The following NXPE4 variants were observed in gnomAD, a reference collection of about 807,000 sequenced individuals.
NXPE4 encodes the protein neurexophilin and PC-esterase domain family member 4.
NXPE4 carries 42 observed loss-of-function variants against 33.3 expected under a neutral mutation model. The ratio of observed to expected loss-of-function variants is 1.26; its 90% CI spans 0.98 to 1.63. The LOEUF (loss-of-function observed/expected upper bound fraction) is 1.63. Among genes scored for constraint, NXPE4 ranks in the 40% most tolerant of loss-of-function variants. NXPE4 has a pLI of 0.00. For missense variants in NXPE4, 709 were observed against 647.6 expected, an observed-to-expected ratio of 1.09 and a Z score of -1.03; for synonymous variants, 253 against 234.9, an observed-to-expected ratio of 1.08 and a Z score of -0.71.
chr11:114,629,753 A>T, the NXPE4 span, among the ~76,000 whole-genome samples: 1 of 151,446 alleles, frequency 6.6e-6, no homozygotes, highest in Non-Finnish European at 1.5e-5. Context: ...AGACGACATG[A>T]TTGTATATCT....
the NXPE4 span, among the ~76,000 whole-genome samples, chr11:114,605,368 A>G: frequency 5.9e-5 from 9 of 151,788 alleles, no homozygotes; most frequent in South Asian, 1.9e-3. Context: ...TACCTGCTGC[A>G]TAATAAGTAT....
the NXPE4 span, among the ~76,000 whole-genome samples, chr11:114,642,129 C>G: frequency 6.6e-6 from 1 of 151,958 alleles, no homozygotes; most frequent in South Asian, 2.1e-4. Flanking sequence ...GCTAGATGAT[C>G]AAGATCAACA....
the NXPE4 span, among the ~76,000 whole-genome samples, chr11:114,634,965 A>G: frequency 6.6e-6 from 1 of 151,984 alleles, no homozygotes; most frequent in African/African-American, 2.4e-5. Context: ...TTGGTTCCAT[A>G]TGAACTTTAA....
At position 114,570,730 on chromosome 11, in the gene NXPE4, T is replaced by C; in HGVS notation, c.*208A>G. 2 of 463,980 alleles carry C rather than the reference T, an allele frequency of 4.3e-6. No individual in the cohort carries two copies. The highest frequency in any genetic ancestry group is 7.6e-6 in the Non-Finnish European group (2 of 264,786). 28.7% of individuals were successfully genotyped at this position (463,980 alleles called of 1,614,324 possible). On this transcript the variant is annotated 3_prime_UTR_variant, in exon 6 of 6. Coordinates refer to ENST00000375478, the MANE Select transcript of NXPE4 (RefSeq NM_001077639.2). ...TCTGATCAAGAAGGGTAGGCTCTTT[T>C]CATGAGTATTTTTAGTTTTATTTTT...
At chr11:114,649,103 G>A in the NXPE4 span, among the ~76,000 whole-genome samples, 8 of 150,794 alleles carry the variant, frequency 5.3e-5, no homozygotes, top group Admixed American at 2.0e-4. Context: ...TATTCCTTTC[G>A]CCTTCAGCAA....
At chr11:114,664,960 G>A in the NXPE4 span, among the ~76,000 whole-genome samples, 4 of 152,168 alleles carry the variant, frequency 2.6e-5, no homozygotes, top group Admixed American at 1.3e-4. Context: ...ATGATGTTTG[G>A]TAGGTTAGAT....
the NXPE4 span, among the ~76,000 whole-genome samples, chr11:114,648,052 G>T: frequency 6.6e-6 from 1 of 151,984 alleles, no homozygotes; most frequent in African/African-American, 2.4e-5. Flanking sequence ...ATTCCCTGTG[G>T]TATATAAGAC....
chr11:114,633,426 ATATAG>A, the NXPE4 span, among the ~76,000 whole-genome samples: 1 of 145,996 alleles, frequency 6.8e-6, no homozygotes, highest in Non-Finnish European at 1.5e-5. Context: ...GTTATATACA[ATATAG>A]TATAGTATAC....
At chr11:114,613,671 GGAT>G in the NXPE4 span, among the ~76,000 whole-genome samples, 1 of 151,996 alleles carries the variant, frequency 6.6e-6, no homozygotes, top group African/African-American at 2.4e-5. Context: ...GTTACCCAGT[GGAT>G]GATAAGTGTT....
chr11:114,612,805 C>CACAG, the NXPE4 span, among the ~76,000 whole-genome samples: 1 of 151,668 alleles, frequency 6.6e-6, no homozygotes, highest in African/African-American at 2.4e-5. Context: ...AGTGTTGCCT[C>CACAG]GTGGGAAAGC....
the NXPE4 span, among the ~76,000 whole-genome samples, chr11:114,634,271 G>A: frequency 6.6e-6 from 1 of 151,990 alleles, no homozygotes. Context: ...CTTTTGAGAA[G>A]TGTCTGTTCA....
upstream of NXPE4, among the ~76,000 whole-genome samples, chr11:114,597,336 T>C (rs952261814): frequency 6.6e-6 from 1 of 152,150 alleles, no homozygotes. Flanking sequence ...TGATCTGAAA[T>C]CTGAATGATA....
chr11:114,637,890 C>T, the NXPE4 span, among the ~76,000 whole-genome samples: 6 of 151,898 alleles, frequency 4.0e-5, no homozygotes, highest in Non-Finnish European at 5.9e-5. Context: ...TCTGGCTGCC[C>T]TTAACATTTT....
chr11:114,606,672 G>T, the NXPE4 span, among the ~76,000 whole-genome samples: 1 of 151,962 alleles, frequency 6.6e-6, no homozygotes, highest in East Asian at 1.9e-4. Context: ...AGTAAGTATT[G>T]CATCATGGGT....
the NXPE4 span, among the ~76,000 whole-genome samples, chr11:114,653,596 C>T: frequency 7.6e-5 from 11 of 144,592 alleles, no homozygotes; most frequent in South Asian, 2.2e-4. Context: ...GGCACGATCT[C>T]GGCTCACTGC....
At chr11:114,648,662 G>A in the NXPE4 span, among the ~76,000 whole-genome samples, 1 of 152,112 alleles carries the variant, frequency 6.6e-6, no homozygotes, top group Non-Finnish European at 1.5e-5. Flanking sequence ...ATCTCCTTAA[G>A]TCATACTTAA....
upstream of NXPE4, among the ~76,000 whole-genome samples, chr11:114,600,230 GTGA>G (rs778084336): frequency 2.0e-5 from 3 of 152,132 alleles, no homozygotes; most frequent in Non-Finnish European, 2.9e-5. Context: ...GCTTACCCAA[GTGA>G]TGATGGGTTA....
the NXPE4 span, among the ~76,000 whole-genome samples, chr11:114,607,879 T>A: frequency 1.3e-5 from 2 of 151,976 alleles, no homozygotes; most frequent in African/African-American, 4.8e-5. Context: ...TGGTGGATAG[T>A]AAGTACTGCC....
At chr11:114,621,991 A>C in the NXPE4 span, among the ~76,000 whole-genome samples, 24 of 150,358 alleles carry the variant, frequency 1.6e-4, no homozygotes, top group Non-Finnish European at 3.0e-4. Flanking sequence ...ACCACTGTTA[A>C]CCGGTGGATA....
Sources: allele counts gnomAD v4.1 joint callset (sites outside exome capture counted in the v4.1 genomes callset), GRCh38; gene constraint gnomAD v4.1.1; transcripts MANE v1.5; gene names NCBI Gene and HGNC (gene_info 2026-07-23, HGNC 2026-07-21).